Variants in LUC7L observed in about 807,000 individuals in gnomAD.
LUC7L encodes the protein LUC7 like.
LUC7L carries 29 observed loss-of-function variants against 51.1 expected under a neutral mutation model. That is an observed-to-expected ratio of 0.57 (90% CI 0.42 to 0.77). The LOEUF (loss-of-function observed/expected upper bound fraction) is 0.77, where lower values mean the gene tolerates loss of function less well. Among genes scored for constraint, LUC7L ranks in the 30% least tolerant of loss-of-function variants. The probability of loss-of-function intolerance (pLI) is 0.00; values close to 1 mark genes in which losing one functional copy is unlikely to be tolerated. For synonymous variants in LUC7L, 181 were observed against 180.7 expected, an observed-to-expected ratio of 1.00 and a Z score of -0.01; for missense variants, 403 against 511.9, an observed-to-expected ratio of 0.79 and a Z score of 2.05.
At chr16:198,714 T>C (rs962881369) in intron 6 of LUC7L, among the ~76,000 whole-genome samples, 5 of 151,184 alleles carry the variant, frequency 3.3e-5, no homozygotes, top group Non-Finnish European at 7.4e-5. Flanking sequence ...TGAGATGGAG[T>C]CTTACTCTAT....
At chr16:222,850 G>C (rs1240656858) in intron 2 of LUC7L, among the ~76,000 whole-genome samples, 2 of 148,976 alleles carry the variant, frequency 1.3e-5, no homozygotes, top group African/African-American at 2.5e-5. Context: ...GGCTGGTCTC[G>C]AACTGCTGAC....
intron 3 of LUC7L, among the ~76,000 whole-genome samples, chr16:216,189 TG>T (rs1393653473): frequency 6.6e-6 from 1 of 150,798 alleles, no homozygotes; most frequent in Non-Finnish European, 1.5e-5. Context: ...TTAATAGAGA[TG>T]GGGGTTTCTC....
intron 5 of LUC7L, among the ~76,000 whole-genome samples, chr16:201,760 T>G (rs1291138771): frequency 7.2e-6 from 1 of 139,108 alleles, no homozygotes; most frequent in Non-Finnish European, 1.6e-5. Flanking sequence ...TTTTTTTTTT[T>G]TGAGAGAGAG....
chr16:190,872 CTT>C (rs1232400930), intron 7 of LUC7L: 2 of 311,880 alleles, frequency 6.4e-6, no homozygotes, highest in Non-Finnish European at 1.2e-5. Context: ...AAGAATAAAA[CTT>C]TGTCTCAAAA....
intron 6 of LUC7L, among the ~76,000 whole-genome samples, chr16:197,065 G>A (rs1828841308): frequency 6.6e-6 from 1 of 151,246 alleles, no homozygotes; most frequent in East Asian, 2.0e-4. Flanking sequence ...CCACCACCAT[G>A]CTCGGCTAAT....
chr16:216,376 A>T (rs1458439136), intron 3 of LUC7L, among the ~76,000 whole-genome samples: 2 of 136,996 alleles, frequency 1.5e-5, no homozygotes, highest in African/African-American at 5.6e-5. Context: ...GTTATCAAAT[A>T]GTTGTTTTTT....
chr16:213,062 G>A (rs1393936478), intron 3 of LUC7L, among the ~76,000 whole-genome samples: 1 of 151,960 alleles, frequency 6.6e-6, no homozygotes, highest in Non-Finnish European at 1.5e-5. Context: ...CGCACACCTG[G>A]CCATCTGTAA....
In LUC7L at chr16:213,900, G is replaced by C. The variant is rs559325866; in HGVS notation, c.256-5712C>G. ...TGGCTAATATTTTCTATTTTTAGTA[G>C]AGATGGGGTCTCACTATCTTGGCCA... On this transcript the variant is annotated intron_variant, in intron 3 of 9. Transcript: ENST00000293872. 3.3e-3 allele frequency among the ~76,000 whole-genome samples: 502 copies of C among 151,882 alleles called. 1 individual carries two copies. Among genetic ancestry groups the C allele is most frequent in the African/African-American group, 0.011 (471 of 41,414 alleles).
Position 189,199 on chromosome 16 carries a change from C to T in LUC7L, c.1115G>A (p.Ter372=). ...ATTTACAGCACCCGGGAGACGGGTT[C>T]AGATCTCGCCGGCCTCCTTCTCTTC... ...RSEEKEAGEI[*] The change falls in exon 10 of 10, where the codon TGA becomes TAA. Residue 372 remains the stop codon, a stop_retained_variant. Transcript: ENST00000293872. The T allele has an allele frequency of 1.9e-6, 3 of 1,612,758 alleles. No individual in the cohort carries two copies. The highest frequency in any genetic ancestry group is 1.7e-6 in the Non-Finnish European group (2 of 1,179,232).
chr16:228,964 A>C (rs1391490936), intron 1 of LUC7L: 2 of 1,420,942 alleles, frequency 1.4e-6, no homozygotes, highest in South Asian at 1.2e-5. Context: ...CCCTCCGCCG[A>C]CTCCACAGTT....
At position 192,997 on chromosome 16, in the gene LUC7L, G is replaced by A. The variant is rs1303577622; in HGVS notation, c.706C>T (p.Gln236Ter). 1.9e-6 allele frequency: 3 copies of A among 1,613,036 alleles called. No homozygotes were observed. The highest frequency in any genetic ancestry group is 2.5e-6 in the Non-Finnish European group (3 of 1,179,934). The part of the protein sequence containing the change: ...DQLRKTVAEK[Q>*]EKRNQDRLRR... ...AAGCGATCCTGATTTCTCTTCTCCTGCTTTTCAGCGACAGTTTTCTAAATA... is the reference window on the plus strand; with the variant it reads ...AAGCGATCCTGATTTCTCTTCTCCTACTTTTCAGCGACAGTTTTCTAAATA... The change falls in exon 7 of 10, where the codon CAG becomes TAG. Residue 236 changes from glutamine to a stop codon, truncating the protein, a stop_gained. Transcript: ENST00000293872. LOFTEE classifies it high-confidence loss of function.
At chr16:195,045 T>C (rs1428796734) in intron 6 of LUC7L, among the ~76,000 whole-genome samples, 1 of 152,118 alleles carries the variant, frequency 6.6e-6, no homozygotes, top group Non-Finnish European at 1.5e-5. Flanking sequence ...GCTGGGTGAC[T>C]GGTATCTCCA....
intron 3 of LUC7L, among the ~76,000 whole-genome samples, chr16:211,156 C>T (rs938234879): frequency 6.6e-6 from 1 of 151,572 alleles, no homozygotes; most frequent in African/African-American, 2.4e-5. Context: ...TATGGTGAAA[C>T]CCCATCTCTA....
In LUC7L at chr16:197,302, C is replaced by T. The variant is rs146197243; in HGVS notation, c.687+1760G>A. On this transcript the variant is annotated intron_variant, in intron 6 of 9. Transcript: ENST00000293872. ...AATTTCAGCTCACTGCTACCTCTGC[C>T]TCCCAGGTCAAGCAATTATCCTGCC... Among the ~76,000 whole-genome samples the T allele has an allele frequency of 2.8e-3, 416 of 149,858 alleles. 2 individuals carry two copies. Among genetic ancestry groups the T allele is most frequent in the African/African-American group, 9.6e-3 (388 of 40,568 alleles).
chr16:220,570 T>TA (rs1731485638), intron 3 of LUC7L, 79 bp downstream of exon 3: 3 of 1,060,718 alleles, frequency 2.8e-6, no homozygotes, highest in South Asian at 1.3e-5. Flanking sequence ...CTTCATAACT[T>TA]ACGTATGTTA....
intron 2 of LUC7L, among the ~76,000 whole-genome samples, chr16:226,555 A>AC (rs2142125849): frequency 6.6e-6 from 1 of 152,336 alleles, no homozygotes; most frequent in East Asian, 1.9e-4. Flanking sequence ...AAGGGGTGGC[A>AC]CAACACAAAA....
intron 9 of LUC7L, chr16:189,719 G>C (rs756846964): frequency 1.8e-5 from 24 of 1,367,892 alleles, no homozygotes; most frequent in South Asian, 2.0e-5. Context: ...GAGCATGGAC[G>C]CAACAGTGCA....
intron 3 of LUC7L, among the ~76,000 whole-genome samples, chr16:216,428 G>A (rs867145270): frequency 1.4e-5 from 2 of 146,316 alleles, no homozygotes; most frequent in Middle Eastern, 3.7e-3. Flanking sequence ...GGTTGTCCAG[G>A]CTGGAGTGCA....
intron 6 of LUC7L, among the ~76,000 whole-genome samples, chr16:195,959 T>C (rs1478370539): frequency 1.3e-5 from 2 of 152,348 alleles, no homozygotes; most frequent in Admixed American, 6.5e-5. Context: ...ACGAGTTGTG[T>C]TGTTTTGGTC....
Sources: allele counts gnomAD v4.1 joint callset (sites outside exome capture counted in the v4.1 genomes callset), GRCh38; gene constraint gnomAD v4.1.1; transcripts MANE v1.5; gene names NCBI Gene and HGNC (gene_info 2026-07-23, HGNC 2026-07-21).